The following LRWD1 variants were observed in gnomAD, a reference collection of about 807,000 sequenced individuals.
LRWD1 encodes leucine rich repeats and WD repeat domain containing 1, also known as leucine-rich repeat and WD repeat-containing protein 1.
Under a neutral mutation model 75.6 loss-of-function variants are expected in LRWD1, and 76 were observed. The ratio of observed to expected loss-of-function variants is 1.01; its 90% confidence interval spans 0.84 to 1.22. The LOEUF is 1.22. Among genes scored for constraint, LRWD1 ranks in the 50% most tolerant of loss-of-function variants. The probability of loss-of-function intolerance (pLI) is 0.00; values close to 1 mark genes in which losing one functional copy is unlikely to be tolerated. For missense variants in LRWD1, 917 were observed against 862.0 expected (o/e 1.06, Z -0.80); for synonymous variants, 487 against 377.0 (o/e 1.29, Z -3.38).
rs1798042183 is a variant in LRWD1 at position 102,467,382 on chromosome 7, A to C, written c.476A>C (p.Glu159Ala). The change falls in exon 4 of 15, where the codon GAA becomes GCA. Residue 159 changes from glutamate (E) to alanine (A), a missense_variant. Coordinates refer to ENST00000292616, the MANE Select transcript of LRWD1 (RefSeq NM_152892.3). ...WEKFMATLGP[E>A]EEAEKAQADF... ...AAGTTCATGGCCACACTGGGTCCTG[A>C]AGAGGAGGCTGAGAAGGCCCAGGCG... 4.3e-6 allele frequency: 7 copies of C among 1,613,372 alleles called. No homozygotes were observed. Among genetic ancestry groups the C allele is most frequent in the Non-Finnish European group, 5.9e-6 (7 of 1,179,814 alleles).
intron 13 of LRWD1, 30 bp from the exon 14 acceptor site, chr7:102,472,662 C>G (rs1280780875): frequency 6.2e-7 from 1 of 1,612,588 alleles, no homozygotes; most frequent in African/African-American, 1.3e-5. Flanking sequence ...GAGCTCTGCC[C>G]CCACTCAGAC....
At chr7:102,468,690 GC>G in intron 8 of LRWD1, 36 bp downstream of exon 8, 1 of 1,549,814 alleles carries the variant, frequency 6.5e-7, no homozygotes, top group Non-Finnish European at 8.7e-7. Context: ...GGGCAAGGGT[GC>G]CCGACTGACT....
In LRWD1 at chr7:102,465,982, G is replaced by A. The variant is rs935884906; in HGVS notation, c.246G>A (p.Gly82=). 1.9e-6 allele frequency: 3 copies of A among 1,613,860 alleles called. No homozygotes were observed. The highest frequency in any genetic ancestry group is 2.5e-6 in the Non-Finnish European group (3 of 1,180,030). The change falls in exon 2 of 15, where the codon GGG becomes GGA. Residue 82 remains glycine, a synonymous_variant. Coordinates refer to ENST00000292616, the MANE Select transcript of LRWD1 (RefSeq NM_152892.3). Reference sequence around the variant, plus strand: ...TCCGCTGCGCCAACAACCAGCTGGGGGATGTTACTGCCTTGTGCCAGTTCC... The same window carrying A: ...TCCGCTGCGCCAACAACCAGCTGGGAGATGTTACTGCCTTGTGCCAGTTCC... ...RVLRCANNQL[G]DVTALCQFPK...
Position 102,468,948 on chromosome 7 carries a change from G to A in LRWD1, c.1114G>A (p.Gly372Ser), listed in dbSNP as rs1434119810. The stretch of plus-strand genomic sequence containing the variant: ...TGTGCTGGCGGCTGCAGGCCTACGG[G>A]GCCTGGTCCGGCTGCTGCACGTGCG... The part of the protein sequence containing the change: ...WSVLAAAGLR[G>S]LVRLLHVRAG... The change falls in exon 9 of 15, where the codon GGC becomes AGC. Residue 372 changes from glycine to serine, a missense_variant. Coordinates refer to ENST00000292616, the MANE Select transcript of LRWD1 (RefSeq NM_152892.3). 6.2e-7 allele frequency: 1 copy of A among 1,612,600 alleles called. No individual in the cohort carries two copies. Among genetic ancestry groups the A allele is most frequent in the African/African-American group, 1.3e-5 (1 of 74,898 alleles).
In LRWD1 at chr7:102,473,120, G is replaced by C; in HGVS notation, c.*71G>C. The C allele has an allele frequency of 1.4e-6, 2 of 1,473,068 alleles. No homozygotes were observed. Among genetic ancestry groups the C allele is most frequent in the Non-Finnish European group, 1.8e-6 (2 of 1,092,242 alleles). The allele number at this position is 1,473,068 out of a possible 1,614,324, so 91.2% of individuals were successfully genotyped here. A position where few individuals can be genotyped will look rare whatever the true frequency, so the allele number is the denominator to read the frequency against. ...TCAGCTTTGGGCCGATGGGGGTGGG[G>C]GGGGGTCTTTCAGTGAATATTTTTA... is the stretch of plus-strand genomic sequence containing the variant. On this transcript the variant is annotated 3_prime_UTR_variant, in exon 15 of 15. Transcript: ENST00000292616.
At chr7:102,467,606 C>T in intron 4 of LRWD1, 113 bp from the exon 5 acceptor site, 1 of 1,506,680 alleles carries the variant, frequency 6.6e-7, no homozygotes, top group Non-Finnish European at 9.0e-7. Flanking sequence ...GCCCTGTTGG[C>T]TGGAGAGGCC....
rs1468875290 is a variant in LRWD1 at position 102,467,137 on chromosome 7, G to A, written c.433-202G>A. ...TGCTGGGGTGTGTGTGTGTGTGTGT[G>A]TAGGCACCTGGGTTGTTGCTGGGGT... is the stretch of plus-strand genomic sequence containing the variant. On this transcript the variant is annotated intron_variant, in intron 3 of 14. Coordinates refer to ENST00000292616, the MANE Select transcript of LRWD1 (RefSeq NM_152892.3). Among the ~76,000 whole-genome samples, 187 of 139,110 alleles carry A rather than the reference G, an allele frequency of 1.3e-3. 4 individuals are homozygous for A. Among genetic ancestry groups the A allele is most frequent in the Non-Finnish European group, 2.5e-3 (160 of 63,100 alleles). The allele number at this position is 139,110 out of a possible 152,430, so 91.3% of individuals were successfully genotyped here.
chr7:102,465,061 G>C lies in LRWD1; in HGVS notation c.-20G>C. 1.4e-6 allele frequency: 2 copies of C among 1,476,006 alleles called. No homozygotes were observed. The highest frequency in any genetic ancestry group is 2.6e-5 in the South Asian group (2 of 75,820). The allele number at this position is 1,476,006 out of a possible 1,614,324, so 91.4% of individuals were successfully genotyped here. ...CGCCGGGGTGGCCGACTGGGTCAGC[G>C]CGGGCTGCGCCTCCTCGCCATGGGC... is the stretch of plus-strand genomic sequence containing the variant. On this transcript the variant is annotated 5_prime_UTR_variant, in exon 1 of 15. Transcript: ENST00000292616.
In LRWD1 at chr7:102,472,939, G is replaced by C; in HGVS notation, c.1834G>C (p.Gly612Arg). The change falls in exon 15 of 15, where the codon GGC becomes CGC. Residue 612 changes from glycine to arginine, a missense_variant. Transcript: ENST00000292616. ...GAAGTGGCCCCAGCCCTGGGCCCTT[G>C]GCCAGGTGGTGACCAAGACCATGGT... The part of the protein sequence containing the change: ...ILKWPQPWAL[G>R]QVVTKTMVNT... 6.2e-7 allele frequency: 1 copy of C among 1,613,652 alleles called. No homozygotes were observed. The highest frequency in any genetic ancestry group is 8.5e-7 in the Non-Finnish European group (1 of 1,179,768).
rs764025561 is a variant in LRWD1, at chr7:102,468,651, C to T, written c.1017C>T (p.Gly339=). ...GIVLHKYKAP[G]EEFFSVAWTA... The stretch of plus-strand genomic sequence containing the variant: ...TGCTCCACAAGTACAAGGCACCCGG[C>T]GAGGTGAGTGCAAGGCCCTGTCCCT... Residue 339 remains glycine (G), a synonymous_variant, in exon 8 of 15, where the codon GGC becomes GGT. Transcript: ENST00000292616. The T allele has an allele frequency of 1.6e-5, 25 of 1,563,080 alleles. No homozygotes were observed. Among genetic ancestry groups the T allele is most frequent in the Admixed American group, 3.8e-5 (2 of 52,976 alleles).
At position 102,468,647 on chromosome 7, in the gene LRWD1, C is replaced by A; in HGVS notation, c.1013C>A (p.Pro338His). Reference sequence around the variant, plus strand: ...ATCGTGCTCCACAAGTACAAGGCACCCGGCGAGGTGAGTGCAAGGCCCTGT... The same window carrying A: ...ATCGTGCTCCACAAGTACAAGGCACACGGCGAGGTGAGTGCAAGGCCCTGT... ...TGIVLHKYKA[P>H]GEEFFSVAWT... Residue 338 changes from proline (P) to histidine (H), a missense_variant, in exon 8 of 15, where the codon CCC becomes CAC. Physicochemically the swap from Pro to His is moderately conservative, Grantham distance 77. Coordinates refer to ENST00000292616, the MANE Select transcript of LRWD1 (RefSeq NM_152892.3). 1 of 1,564,970 alleles carries A rather than the reference C, an allele frequency of 6.4e-7. No homozygotes were observed. The highest frequency in any genetic ancestry group is 1.2e-5 in the South Asian group (1 of 85,060).
rs557927414 is a variant in LRWD1 at position 102,472,710 on chromosome 7, G to T, written c.1709G>T (p.Cys570Phe). 6.2e-7 allele frequency: 1 copy of T among 1,613,558 alleles called. No individual in the cohort carries two copies. The highest frequency in any genetic ancestry group is 1.3e-5 in the African/African-American group (1 of 75,072). ...SACPDKGIVL[C>F]GDEEGNVWLY... Reference sequence around the variant, plus strand: ...CCGGCAGATAAGGGGATTGTGCTCTGTGGGGATGAGGAGGGCAACGTGTGG... The same window carrying T: ...CCGGCAGATAAGGGGATTGTGCTCTTTGGGGATGAGGAGGGCAACGTGTGG... The change falls in exon 14 of 15, where the codon TGT becomes TTT. Residue 570 changes from cysteine to phenylalanine, a missense_variant. Physicochemically the swap from Cys to Phe is radical, Grantham distance 205. Coordinates refer to ENST00000292616, the MANE Select transcript of LRWD1 (RefSeq NM_152892.3).
chr7:102,465,580 G>C (rs963316023), intron 1 of LRWD1: 2 of 451,094 alleles, frequency 4.4e-6, no homozygotes, highest in South Asian at 2.8e-5. Flanking sequence ...CCAGCTACTC[G>C]AGAGGCTGAG....
chr7:102,465,715 T>A (rs1738994535), intron 1 of LRWD1, 102 bp from the exon 2 acceptor site: 1 of 818,824 alleles, frequency 1.2e-6, no homozygotes, highest in African/African-American at 1.7e-5. Flanking sequence ...GCTACACTTG[T>A]ACGAGAAATG....
chr7:102,465,429 G>A (rs1797929795), intron 1 of LRWD1: 1 of 373,388 alleles, frequency 2.7e-6, no homozygotes, highest in Admixed American at 4.6e-5. Flanking sequence ...AGCCCCCGAA[G>A]GATCAGGAAG....
chr7:102,465,213 A>G, intron 1 of LRWD1, 53 bp downstream of exon 1: 1 of 1,386,460 alleles, frequency 7.2e-7, no homozygotes, highest in Non-Finnish European at 9.4e-7. Flanking sequence ...GCGGTCGGGG[A>G]GAAGAGCGGG....
chr7:102,465,245 T>C, intron 1 of LRWD1, 85 bp downstream of exon 1: 1 of 1,259,282 alleles, frequency 7.9e-7, no homozygotes, highest in South Asian at 1.8e-5. Context: ...ACGGCCCGCT[T>C]GTCCCCGTTA....
intron 3 of LRWD1, among the ~76,000 whole-genome samples, chr7:102,466,714 G>A (rs905325089): frequency 4.1e-5 from 6 of 147,410 alleles, no homozygotes; most frequent in African/African-American, 5.0e-5. Context: ...CACCACACCC[G>A]GCCTGACTCT....
Position 102,469,657 on chromosome 7 carries a change from G to A in LRWD1, c.1301+11G>A, listed in dbSNP as rs772709524. On this transcript the variant is annotated intron_variant, in intron 10 of 14. Coordinates refer to ENST00000292616, the MANE Select transcript of LRWD1 (RefSeq NM_152892.3). ...CGAATTCCAGGCCAGGTGATGCTTCGGGTGAGGCTGGGGAGTGGCCAGCTG... is the reference window on the plus strand; with the variant it reads ...CGAATTCCAGGCCAGGTGATGCTTCAGGTGAGGCTGGGGAGTGGCCAGCTG... 1.6e-5 allele frequency: 26 copies of A among 1,614,164 alleles called. No homozygotes were observed. The highest frequency in any genetic ancestry group is 2.2e-5 in the South Asian group (2 of 91,084).
Sources: gnomAD v4.1 joint callset for allele counts (sites outside exome capture counted in the v4.1 genomes callset) on GRCh38, gnomAD v4.1.1 for gene constraint, MANE v1.5 for transcripts, NCBI Gene and HGNC (gene_info 2026-07-23, HGNC 2026-07-21) for gene names.